SESN1: variants seen among roughly 807,000 people sequenced by gnomAD.
The protein encoded by SESN1 is sestrin-1.
Under a neutral mutation model 59.3 loss-of-function variants are expected in SESN1, and 30 were observed. The observed-to-expected ratio is 0.51, with a 90% CI of 0.38 to 0.69. The LOEUF (loss-of-function observed/expected upper bound fraction) is 0.69, where lower values mean the gene tolerates loss of function less well. Ranked by LOEUF, SESN1 falls within the 30% of genes least tolerant of loss-of-function variation. The pLI is 0.00. For synonymous variants in SESN1, 197 were observed against 219.9 expected (o/e 0.90, Z 0.92); for missense variants, 566 against 673.0 (o/e 0.84, Z 1.76).
intron 1 of SESN1, 145 bp from the exon 2 acceptor site, chr6:109,002,488 C>A: frequency 1.6e-6 from 1 of 620,446 alleles, no homozygotes; most frequent in Non-Finnish European, 2.9e-6. Flanking sequence ...TACATACCAA[C>A]TCTTCTGTTA....
chr6:108,990,923 T>C, intron 7 of SESN1, 88 bp from the exon 8 acceptor site: 1 of 1,178,732 alleles, frequency 8.5e-7, no homozygotes, highest in Non-Finnish European at 1.2e-6. Flanking sequence ...AAAATCATTG[T>C]CATTTGGCTG....
intron 1 of SESN1, among the ~76,000 whole-genome samples, chr6:109,052,468 T>G (rs1281632010): frequency 3.9e-5 from 6 of 152,184 alleles, no homozygotes; most frequent in Admixed American, 3.9e-4. Flanking sequence ...TTCAGTTCTC[T>G]TTCTTATGTA....
intron 1 of SESN1, among the ~76,000 whole-genome samples, chr6:109,077,754 T>C (rs1025649869): frequency 7.9e-5 from 12 of 152,176 alleles, no homozygotes; most frequent in African/African-American, 2.7e-4. Context: ...TCTAACATTA[T>C]AGTGAGTGGG....
intron 1 of SESN1, among the ~76,000 whole-genome samples, chr6:109,064,786 G>A (rs1780795408): frequency 6.6e-6 from 1 of 151,854 alleles, no homozygotes; most frequent in African/African-American, 2.4e-5. Context: ...CTATATCGCT[G>A]AGAGTACACT....
Position 109,039,502 on chromosome 6 carries a change from C to G in SESN1, c.280-37159G>C, listed in dbSNP as rs114760741. Among the ~76,000 whole-genome samples, 1,189 of 152,288 alleles carry G rather than the reference C, an allele frequency of 7.8e-3. 20 individuals carry two copies. Among genetic ancestry groups the G allele is most frequent in the African/African-American group, 0.028 (1,143 of 41,552 alleles). On this transcript the variant is annotated intron_variant, in intron 1 of 9. Transcript: ENST00000436639. ...CAACTTGGAGGCAAGAACATCAAAT[C>G]TGCAAATCACAGAGCTGTCTGGTGA...
At chr6:109,006,345 A>G (rs973387719) in intron 1 of SESN1, among the ~76,000 whole-genome samples, 5 of 151,982 alleles carry the variant, frequency 3.3e-5, no homozygotes, top group African/African-American at 7.3e-5. Flanking sequence ...CATGTGCACA[A>G]TGTGCAGGTT....
At chr6:109,058,542 C>G (rs935173449) in intron 1 of SESN1, among the ~76,000 whole-genome samples, 2 of 152,170 alleles carry the variant, frequency 1.3e-5, no homozygotes, top group African/African-American at 4.8e-5. Context: ...CGTGACTGTA[C>G]AGATCCCACA....
intron 1 of SESN1, chr6:109,009,064 A>G: frequency 1.1e-6 from 1 of 940,272 alleles, no homozygotes; most frequent in Non-Finnish European, 1.3e-6. Flanking sequence ...TACGTATTGG[A>G]GACTTTCATT....
At chr6:109,013,760 G>T (rs1779894026) in intron 1 of SESN1, among the ~76,000 whole-genome samples, 1 of 152,080 alleles carries the variant, frequency 6.6e-6, no homozygotes, top group Non-Finnish European at 1.5e-5. Flanking sequence ...ACATTTATGT[G>T]GTTTAAGCAT....
chr6:109,040,932 G>A (rs954301241), intron 1 of SESN1, among the ~76,000 whole-genome samples: 1 of 151,914 alleles, frequency 6.6e-6, no homozygotes, highest in Non-Finnish European at 1.5e-5. Context: ...GATTACAGGC[G>A]TGAGCCACCG....
chr6:109,023,787 A>T lies in SESN1; in HGVS notation c.280-21444T>A, dbSNP rs535204753. Among the ~76,000 whole-genome samples the T allele has an allele frequency of 5.1e-4, 77 of 152,356 alleles. No homozygotes were observed. In the South Asian group the frequency reaches 0.012, roughly 24 times the overall value. ...CCATTTGGCATAAACAAAATGTAAC[A>T]TTTTATGTAAAAGGAAAAATATAAA... On this transcript the variant is annotated intron_variant, in intron 1 of 9. Coordinates refer to ENST00000436639, the MANE Select transcript of SESN1 (RefSeq NM_014454.3).
At chr6:109,007,094 C>T (rs1194596916) in intron 1 of SESN1, among the ~76,000 whole-genome samples, 4 of 152,180 alleles carry the variant, frequency 2.6e-5, no homozygotes, top group African/African-American at 9.6e-5. Flanking sequence ...ACCTAATAAC[C>T]ATCTTTGAAA....
intron 1 of SESN1, among the ~76,000 whole-genome samples, chr6:109,061,299 C>T (rs1780727383): frequency 6.6e-6 from 1 of 151,738 alleles, no homozygotes. Flanking sequence ...ACAGCCTTGA[C>T]CAAAAAATTT....
chr6:109,077,120 A>T (rs1781044025), intron 1 of SESN1, among the ~76,000 whole-genome samples: 1 of 152,234 alleles, frequency 6.6e-6, no homozygotes, highest in South Asian at 2.1e-4. Flanking sequence ...AAAATATATT[A>T]TAATCTTATA....
chr6:109,029,284 T>C lies in SESN1; in HGVS notation c.280-26941A>G, dbSNP rs140503988. Among the ~76,000 whole-genome samples the C allele has an allele frequency of 1.8e-3, 276 of 152,278 alleles. 1 individual carries two copies. The highest frequency in any genetic ancestry group is 4.0e-3 in the Admixed American group (61 of 15,296). ...TGACTAAGGATACTATTAGGAACAA[T>C]AGAAATCACGGGTTAAAACACAGTA... On this transcript the variant is annotated intron_variant, in intron 1 of 9. Transcript: ENST00000436639.
At chr6:109,066,001 G>T (rs1305077594) in intron 1 of SESN1, among the ~76,000 whole-genome samples, 1 of 152,024 alleles carries the variant, frequency 6.6e-6, no homozygotes, top group East Asian at 1.9e-4. Context: ...GCAAGTTTAA[G>T]AGGGATAAAA....
At chr6:109,026,048 G>T (rs936764673) in intron 1 of SESN1, among the ~76,000 whole-genome samples, 9 of 151,408 alleles carry the variant, frequency 5.9e-5, no homozygotes. Context: ...CAAGGAAAGA[G>T]ATCTTAAAGT....
At chr6:109,085,286 G>A (rs990481792) in intron 1 of SESN1, among the ~76,000 whole-genome samples, 3 of 152,094 alleles carry the variant, frequency 2.0e-5, no homozygotes, top group African/African-American at 7.2e-5. Context: ...TTGGGAAGCC[G>A]AGGCAGGCAG....
At chr6:109,045,175 C>T (rs892897944) in intron 1 of SESN1, among the ~76,000 whole-genome samples, 1 of 152,168 alleles carries the variant, frequency 6.6e-6, no homozygotes, top group African/African-American at 2.4e-5. Context: ...GCTCCTCTGA[C>T]ACCCTTACTA....
Sources: gnomAD v4.1 joint callset for allele counts (sites outside exome capture counted in the v4.1 genomes callset) on GRCh38, gnomAD v4.1.1 for gene constraint, MANE v1.5 for transcripts, NCBI Gene and HGNC (gene_info 2026-07-23, HGNC 2026-07-21) for gene names.